Variants in PCDHA9 observed in about 807,000 individuals in gnomAD.
PCDHA9 encodes protocadherin alpha-9.
In PCDHA9, 62 loss-of-function variants were observed where a neutral mutation model predicts 62.0. The observed-to-expected ratio is 1.00, with a 90% CI of 0.81 to 1.23. PCDHA9 has a LOEUF of 1.23. Among genes scored for constraint, PCDHA9 ranks in the 50% most tolerant of loss-of-function variants. The probability of loss-of-function intolerance (pLI) is 0.00; values close to 1 mark genes in which losing one functional copy is unlikely to be tolerated. For missense variants in PCDHA9, 1,205 were observed against 1,249.8 expected (o/e 0.96, Z 0.54); for synonymous variants, 557 against 567.6 (o/e 0.98, Z 0.27).
chr5:140,885,480 A>G (rs782437070), intron 1 of PCDHA9, among the ~76,000 whole-genome samples: 7 of 152,158 alleles, frequency 4.6e-5, no homozygotes, highest in Non-Finnish European at 7.4e-5. Context: ...ACTTTGTGTC[A>G]AGTGTTCTGT....
At chr5:140,912,292 C>A (rs527420621) in intron 1 of PCDHA9, among the ~76,000 whole-genome samples, 13 of 152,184 alleles carry the variant, frequency 8.5e-5, no homozygotes, top group Non-Finnish European at 1.8e-4. Context: ...CAATACTTTG[C>A]CTCCTGTAAT....
Position 140,850,279 on chromosome 5 carries a change from G to C in PCDHA9, c.1784G>C (p.Arg595Pro), listed in dbSNP as rs140634296. The C allele has an allele frequency of 1.3e-6, 2 of 1,595,566 alleles. No homozygotes were observed. Among genetic ancestry groups the C allele is most frequent in the African/African-American group, 1.3e-5 (1 of 74,394 alleles). ...GCCGGCGTAGTGGTGGGGAAGGTGC[G>C]CGCAGTGGACGCCGACTCGGGCTAC... ...VGAGVVVGKV[R>P]AVDADSGYNA... Residue 595 changes from arginine (R) to proline (P), a missense_variant, in exon 1 of 4, where the codon CGC (arginine) becomes CCC (proline). This residue lies in a region of PCDHA9 where 887 missense variants were observed against 809.5 expected (regional missense o/e 1.10). Transcript: ENST00000532602.
chr5:140,997,817 A>G (rs570760153), intron 3 of PCDHA9, among the ~76,000 whole-genome samples: 2 of 152,306 alleles, frequency 1.3e-5, no homozygotes, highest in South Asian at 4.1e-4. Flanking sequence ...GTTGGTATCT[A>G]TGTTTTCTAA....
intron 3 of PCDHA9, among the ~76,000 whole-genome samples, chr5:141,005,406 G>C (rs1224420854): frequency 1.3e-5 from 2 of 152,172 alleles, no homozygotes; most frequent in Non-Finnish European, 2.9e-5. Flanking sequence ...GACTTGAAGA[G>C]TGAGGAGTCA....
intron 1 of PCDHA9, among the ~76,000 whole-genome samples, chr5:140,936,344 T>C (rs1403940424): frequency 6.6e-6 from 1 of 152,224 alleles, no homozygotes; most frequent in Non-Finnish European, 1.5e-5. Context: ...TATCTGCATA[T>C]ATGGAATGTG....
chr5:140,884,418 T>C, intron 1 of PCDHA9: 2 of 1,613,974 alleles, frequency 1.2e-6, no homozygotes, highest in South Asian at 2.2e-5. Flanking sequence ...ACGTTGCTGC[T>C]GTATACTGCG....
At chr5:140,967,029 G>T in intron 1 of PCDHA9, 1 of 1,609,056 alleles carries the variant, frequency 6.2e-7, no homozygotes, top group Non-Finnish European at 8.5e-7. Context: ...CCCAGTCCGC[G>T]CTACCTGGAG....
At chr5:140,866,804 C>A (rs1157058668) in intron 1 of PCDHA9, 3 of 152,118 alleles carry the variant, frequency 2.0e-5, no homozygotes, top group Non-Finnish European at 4.4e-5. Flanking sequence ...AAGTCAGGCA[C>A]AAAGTTCCTT....
intron 1 of PCDHA9, chr5:140,969,583 A>G: frequency 1.1e-6 from 1 of 914,068 alleles, no homozygotes; most frequent in Admixed American, 3.0e-5. Context: ...AGTGAGGATT[A>G]GTCTTAATAT....
At position 140,849,895 on chromosome 5, in the gene PCDHA9, A is replaced by G. The variant is rs2150456565; in HGVS notation, c.1400A>G (p.Asn467Ser). 1 of 1,598,460 alleles carries G rather than the reference A, an allele frequency of 6.3e-7. No homozygotes were observed. Among genetic ancestry groups the G allele is most frequent in the South Asian group, 1.1e-5 (1 of 90,532 alleles). ...QSEYTVFVKE[N>S]NPPGCHIFTV... ...GAGTACACGGTGTTCGTGAAGGAGA[A>G]CAACCCGCCGGGCTGCCACATCTTC... The change falls in exon 1 of 4, where the codon AAC becomes AGC. Residue 467 changes from asparagine (N) to serine (S), a missense_variant. Transcript: ENST00000532602.
intron 1 of PCDHA9, chr5:140,863,799 G>T: frequency 4.7e-6 from 1 of 212,460 alleles, no homozygotes; most frequent in Non-Finnish European, 9.6e-6. Context: ...AGGAGTTTGA[G>T]ACCAGCCTGG....
In PCDHA9 at chr5:140,870,085, C is replaced by G. The variant is rs200687541; in HGVS notation, c.2394+19196C>G. The stretch of plus-strand genomic sequence containing the variant: ...ACAGGCTACAGATAAGGGGACTCCC[C>G]CAATGGCAGGTCACTGTACAGTCTG... On this transcript the variant is annotated intron_variant, in intron 1 of 3. Coordinates refer to ENST00000532602, the MANE Select transcript of PCDHA9 (RefSeq NM_031857.2). 11 of 1,613,744 alleles carry G rather than the reference C, an allele frequency of 6.8e-6. No individual in the cohort carries two copies. The African/African-American group carries it at 1.3e-4, about 20-fold the overall frequency.
At chr5:140,997,897 A>C (rs13175095) in intron 3 of PCDHA9, among the ~76,000 whole-genome samples, 9,880 of 152,266 alleles carry the variant, frequency 0.065, 363 homozygotes, top group East Asian at 0.12. Flanking sequence ...GATAAATTTC[A>C]AGAAGTAGAA....
Position 140,856,434 on chromosome 5 carries a change from C to T in PCDHA9, c.2394+5545C>T, listed in dbSNP as rs551569829. 39 of 1,598,320 alleles carry T rather than the reference C, an allele frequency of 2.4e-5. 3 individuals carry two copies. The South Asian group carries it at 3.9e-4, about 16-fold the overall frequency. On this transcript the variant is annotated intron_variant, in intron 1 of 3. Coordinates refer to ENST00000532602, the MANE Select transcript of PCDHA9 (RefSeq NM_031857.2). Reference sequence around the variant, plus strand: ...GAAGTGAAGGACATTAACGACAACCCGCCCAGGTTCTCCGTAACAGAACAA... The same window carrying T: ...GAAGTGAAGGACATTAACGACAACCTGCCCAGGTTCTCCGTAACAGAACAA...
chr5:140,965,493 C>A (rs1214376252), intron 1 of PCDHA9, among the ~76,000 whole-genome samples: 1 of 147,046 alleles, frequency 6.8e-6, no homozygotes, highest in African/African-American at 2.5e-5. Flanking sequence ...TTAATGACAG[C>A]AGATTTTTTT....
intron 1 of PCDHA9, among the ~76,000 whole-genome samples, chr5:140,959,041 T>C (rs1291778863): frequency 2.6e-5 from 4 of 152,118 alleles, no homozygotes; most frequent in Non-Finnish European, 5.9e-5. Flanking sequence ...GGTATGTATG[T>C]ATAGGAAAAA....
At chr5:140,869,760 A>G in intron 1 of PCDHA9, 1 of 1,613,206 alleles carries the variant, frequency 6.2e-7, no homozygotes, top group Non-Finnish European at 8.5e-7. Flanking sequence ...ACGGGGGAAA[A>G]CCAGAGCTTA....
chr5:140,927,687 T>C (rs1563095426), intron 1 of PCDHA9: 2 of 1,614,158 alleles, frequency 1.2e-6, no homozygotes, highest in Non-Finnish European at 1.7e-6. Context: ...AAGGGTCCAA[T>C]GGGGAAGTCC....
At chr5:140,856,596 A>G in intron 1 of PCDHA9, 1 of 1,597,802 alleles carries the variant, frequency 6.3e-7, no homozygotes, top group Non-Finnish European at 8.6e-7. Flanking sequence ...GATATTATAA[A>G]CAAAAAAGAC....
Sources: allele counts gnomAD v4.1 joint callset (sites outside exome capture counted in the v4.1 genomes callset), GRCh38; gene constraint gnomAD v4.1.1; regional missense constraint gnomAD v4.1.1; transcripts MANE v1.5; gene names NCBI Gene and HGNC (gene_info 2026-07-23, HGNC 2026-07-21).